The following IQGAP2 variants were observed in gnomAD, a reference collection of about 807,000 sequenced individuals.
IQGAP2 encodes the protein IQ motif containing GTPase activating protein 2, also known as ras GTPase-activating-like protein IQGAP2.
Under a neutral mutation model 201.3 loss-of-function variants are expected in IQGAP2, and 173 were observed. That is an observed-to-expected ratio of 0.86 (90% CI 0.76 to 0.98). IQGAP2 has a LOEUF of 0.98. Ranked by LOEUF, IQGAP2 falls within the 50% of genes least tolerant of loss-of-function variation. The pLI is 0.00. For missense variants in IQGAP2, 1,687 were observed against 1,864.8 expected (o/e 0.90, Z 1.76); for synonymous variants, 675 against 673.9 (o/e 1.00, Z -0.03).
At position 76,699,801 on chromosome 5, in the gene IQGAP2, TTCTCTC is replaced by T. The variant is rs1197754030; in HGVS notation, c.4368-1236_4368-1231del. Among the ~76,000 whole-genome samples, 5 of 1,346 alleles carry T rather than the reference TTCTCTC, an allele frequency of 3.7e-3. 1 individual carries two copies. Among genetic ancestry groups the T allele is most frequent in the African/African-American group, 6.5e-3 (2 of 306 alleles). The allele number at this position is 1,346 out of a possible 152,430, so 0.9% of individuals were successfully genotyped here. On this transcript the variant is annotated intron_variant, in intron 33 of 35. Transcript: ENST00000274364. ...TCATTTGCTTCAGGCTTCTTTCTGTTTCTCTCTCTCTCTCTCTCTCTCTCTCTCTCT... is the reference window on the plus strand; with the variant it reads ...TCATTTGCTTCAGGCTTCTTTCTGTTTCTCTCTCTCTCTCTCTCTCTCTCT...
intron 2 of IQGAP2, among the ~76,000 whole-genome samples, chr5:76,496,762 T>TTTCTTTC (rs1561416570): frequency 3.5e-5 from 2 of 57,798 alleles, no homozygotes; most frequent in South Asian, 4.9e-4. Context: ...TCTTTCTTTC[T>TTTCTTTC]TTCTTTCTTT....
intron 2 of IQGAP2, among the ~76,000 whole-genome samples, chr5:76,498,341 T>C (rs1439016236): frequency 6.6e-6 from 1 of 152,196 alleles, no homozygotes; most frequent in Non-Finnish European, 1.5e-5. Context: ...GCATCCAAAT[T>C]GTGGGAATGT....
At chr5:76,597,412 T>G (rs1294373568) in intron 9 of IQGAP2, 27 bp from the exon 10 acceptor site, 1 of 1,611,860 alleles carries the variant, frequency 6.2e-7, no homozygotes, top group Non-Finnish European at 8.5e-7. Context: ...GCAACCATTC[T>G]GACAAAACAT....
chr5:76,471,373 A>ACAAC (rs1554058992), intron 2 of IQGAP2, among the ~76,000 whole-genome samples: 5 of 107,468 alleles, frequency 4.7e-5, no homozygotes, highest in Non-Finnish European at 1.1e-4. Context: ...GCAAAAAAAA[A>ACAAC]AAAAAAAAAA....
chr5:76,636,911 T>C lies in IQGAP2; in HGVS notation c.1781-123T>C, dbSNP rs575274190. 70 of 713,136 alleles carry C rather than the reference T, an allele frequency of 9.8e-5. No homozygotes were observed. The Middle Eastern group carries it at 2.6e-3, about 26-fold the overall frequency. The allele number at this position is 713,136 out of a possible 1,614,324, so 44.2% of individuals were successfully genotyped here. A position where few individuals can be genotyped will look rare whatever the true frequency, so the allele number is the denominator to read the frequency against. Reference sequence around the variant, plus strand: ...TTCCATGTTAGTGGGTCACTTCTGATGCCTTTGGCTGTCTGAAGGTTTGGT... The same window carrying C: ...TTCCATGTTAGTGGGTCACTTCTGACGCCTTTGGCTGTCTGAAGGTTTGGT... On this transcript the variant is annotated intron_variant, in intron 15 of 35. Transcript: ENST00000274364.
intron 1 of IQGAP2, among the ~76,000 whole-genome samples, chr5:76,445,503 T>G (rs1264613054): frequency 6.6e-6 from 1 of 151,576 alleles, no homozygotes; most frequent in African/African-American, 2.4e-5. Context: ...TCGCTCTTGT[T>G]GCCCAGGCTG....
chr5:76,444,439 C>T (rs978453079), intron 1 of IQGAP2, among the ~76,000 whole-genome samples: 1 of 152,142 alleles, frequency 6.6e-6, no homozygotes, highest in African/African-American at 2.4e-5. Flanking sequence ...GCTGGGATTA[C>T]AGGTGCCCAC....
intron 31 of IQGAP2, among the ~76,000 whole-genome samples, chr5:76,694,715 G>C (rs1746570855): frequency 6.6e-6 from 1 of 152,170 alleles, no homozygotes; most frequent in Non-Finnish European, 1.5e-5. Flanking sequence ...TACCTGTCCT[G>C]TGTCTAAGAT....
intron 2 of IQGAP2, among the ~76,000 whole-genome samples, chr5:76,528,812 A>G (rs573535307): frequency 1.3e-5 from 2 of 152,250 alleles, no homozygotes; most frequent in Middle Eastern, 3.4e-3. Context: ...CTTGCTTTTT[A>G]CTTTCACCCC....
rs955623012 is a variant in IQGAP2 at position 76,707,453 on chromosome 5, A to G, written c.*140A>G. 3 of 628,256 alleles carry G rather than the reference A, an allele frequency of 4.8e-6. No homozygotes were observed. The African/African-American group carries it at 5.6e-5, about 12-fold the overall frequency. 38.9% of individuals were successfully genotyped at this position (628,256 alleles called of 1,614,324 possible). A position where few individuals can be genotyped will look rare whatever the true frequency, so the allele number is the denominator to read the frequency against. ...TAAAACGACCAAAACTGTTCTGAAGAATGTACCCAGGTGCCTTTTTGCTAA... is the reference window on the plus strand; with the variant it reads ...TAAAACGACCAAAACTGTTCTGAAGGATGTACCCAGGTGCCTTTTTGCTAA... On this transcript the variant is annotated 3_prime_UTR_variant, in exon 36 of 36. Coordinates refer to ENST00000274364, the MANE Select transcript of IQGAP2 (RefSeq NM_006633.5).
chr5:76,492,813 C>T (rs562349568), intron 2 of IQGAP2, among the ~76,000 whole-genome samples: 1 of 152,258 alleles, frequency 6.6e-6, no homozygotes, highest in South Asian at 2.1e-4. Context: ...ATGTGCCAGG[C>T]CATGGAGAGT....
At chr5:76,618,562 C>G (rs1343644816) in intron 13 of IQGAP2, 1 of 1,614,056 alleles carries the variant, frequency 6.2e-7, no homozygotes, top group Non-Finnish European at 8.5e-7. Context: ...GGGAACTCTT[C>G]AAAAGAATTT....
chr5:76,441,601 A>AT (rs1344883337), intron 1 of IQGAP2: 9 of 761,700 alleles, frequency 1.2e-5, no homozygotes, highest in Non-Finnish European at 1.4e-5. Context: ...GTTTGGGCTG[A>AT]TTTTCACTTC....
chr5:76,474,743 G>A (rs1401615099), intron 2 of IQGAP2, among the ~76,000 whole-genome samples: 2 of 152,176 alleles, frequency 1.3e-5, no homozygotes, highest in Non-Finnish European at 2.9e-5. Context: ...TTGTGTGAGT[G>A]CAGGCTTCTG....
intron 14 of IQGAP2, among the ~76,000 whole-genome samples, chr5:76,631,594 C>T (rs1561531885): frequency 1.3e-5 from 2 of 152,138 alleles, no homozygotes; most frequent in African/African-American, 4.8e-5. Flanking sequence ...CTACAGCAAG[C>T]AAAACCTAGT....
chr5:76,533,809 A>T (rs1361326942), intron 2 of IQGAP2, among the ~76,000 whole-genome samples: 1 of 152,198 alleles, frequency 6.6e-6, no homozygotes, highest in Non-Finnish European at 1.5e-5. Context: ...AAGTGCTGGG[A>T]TTATAGGCGT....
rs766718105 is a variant in IQGAP2 at position 76,698,136 on chromosome 5, C to G, written c.4356C>G (p.Asn1452Lys). ...CCTACATAAAGACTTGTTTAGACAA[C>G]TTAAAAAGAAAGTAAGTTAAAATCA... is the stretch of plus-strand genomic sequence containing the variant. ...YDTYIKTCLD[N>K]LKRKNTRRSI... is the part of the protein sequence containing the mutation. The change falls in exon 33 of 36, where the codon AAC becomes AAG. Residue 1452 changes from asparagine (N) to lysine (K), a missense_variant. Transcript: ENST00000274364. The G allele has an allele frequency of 1.3e-6, 2 of 1,581,718 alleles. No homozygotes were observed. The highest frequency in any genetic ancestry group is 1.7e-6 in the Non-Finnish European group (2 of 1,157,962).
At chr5:76,523,318 T>C (rs1758797699) in intron 2 of IQGAP2, among the ~76,000 whole-genome samples, 1 of 152,070 alleles carries the variant, frequency 6.6e-6, no homozygotes, top group Admixed American at 6.6e-5. Flanking sequence ...CTTGAACTCC[T>C]AGGCTCAAGC....
Position 76,707,679 on chromosome 5 carries a change from A to G in IQGAP2, c.*366A>G, listed in dbSNP as rs535260942. 25 of 165,714 alleles carry G rather than the reference A, an allele frequency of 1.5e-4. No homozygotes were observed. The East Asian group carries it at 4.4e-3, about 29-fold the overall frequency. The allele number at this position is 165,714 out of a possible 1,614,324, so 10.3% of individuals were successfully genotyped here. On this transcript the variant is annotated 3_prime_UTR_variant, in exon 36 of 36. Transcript: ENST00000274364. Reference sequence around the variant, plus strand: ...AAAATTTTAAATGTCCCACTTGAATAACGTAATTCTTCATAGTTTTTTTAA... The same window carrying G: ...AAAATTTTAAATGTCCCACTTGAATGACGTAATTCTTCATAGTTTTTTTAA...
Sources: gnomAD v4.1 joint callset for allele counts (sites outside exome capture counted in the v4.1 genomes callset) on GRCh38, gnomAD v4.1.1 for gene constraint, MANE v1.5 for transcripts, NCBI Gene and HGNC (gene_info 2026-07-23, HGNC 2026-07-21) for gene names.